Variants in PPP1R1C observed in about 807,000 individuals in gnomAD.
PPP1R1C encodes the protein protein phosphatase 1 regulatory subunit 1C.
A neutral mutation model predicts 17.4 loss-of-function variants in PPP1R1C; 15 were observed. That is an observed-to-expected ratio of 0.86 (90% confidence interval 0.58 to 1.33). The LOEUF (loss-of-function observed/expected upper bound fraction) is 1.33, where lower values mean the gene tolerates loss of function less well. Among genes scored for constraint, PPP1R1C ranks in the 40% most tolerant of loss-of-function variants. The pLI, the probability that PPP1R1C is intolerant of heterozygous loss-of-function variation, is 0.00. For synonymous variants in PPP1R1C, 35 were observed against 43.1 expected (o/e 0.81, Z 0.73); for missense variants, 143 against 130.0 (o/e 1.10, Z -0.48).
chr2:181,964,696 AT>A (rs1684875937), intron 1 of PPP1R1C, among the ~76,000 whole-genome samples: 1 of 140,224 alleles, frequency 7.1e-6, no homozygotes, highest in Admixed American at 7.7e-5. Flanking sequence ...ACTGTAGTTT[AT>A]TTTATTTATT....
At chr2:182,039,708 C>T (rs775793393) in intron 2 of PPP1R1C, among the ~76,000 whole-genome samples, 16 of 152,128 alleles carry the variant, frequency 1.1e-4, no homozygotes, top group African/African-American at 1.2e-4. Flanking sequence ...GTTACGTAGA[C>T]GAATTGTATA....
chr2:182,039,487 T>G (rs1161574555), intron 2 of PPP1R1C, among the ~76,000 whole-genome samples: 1 of 152,130 alleles, frequency 6.6e-6, no homozygotes, highest in East Asian at 1.9e-4. Context: ...CCGACTCAGG[T>G]AATTCTCTAA....
intron 4 of PPP1R1C, among the ~76,000 whole-genome samples, chr2:182,077,810 C>T (rs894624262): frequency 7.2e-5 from 11 of 152,318 alleles, no homozygotes; most frequent in African/African-American, 2.6e-4. Flanking sequence ...TTAAAAAGAA[C>T]ACAGTGCTTA....
intron 4 of PPP1R1C, among the ~76,000 whole-genome samples, chr2:182,087,040 A>T (rs1419293177): frequency 6.6e-6 from 1 of 152,116 alleles, no homozygotes; most frequent in Non-Finnish European, 1.5e-5. Flanking sequence ...TAACTCTCAC[A>T]TTTCACATCC....
chr2:181,984,933 C>CT (rs1471822467), upstream of PPP1R1C, among the ~76,000 whole-genome samples: 1 of 152,164 alleles, frequency 6.6e-6, no homozygotes, highest in Non-Finnish European at 1.5e-5. Context: ...TTAACATTAA[C>CT]TAATGTGGCA....
At chr2:182,119,481 A>G (rs1432058520), downstream of PPP1R1C, among the ~76,000 whole-genome samples, 9 of 152,356 alleles carry the variant, frequency 5.9e-5, no homozygotes, top group Middle Eastern at 3.4e-3. Context: ...GAATCACCAC[A>G]CTGACTTCCA....
intron 5 of PPP1R1C, chr2:182,128,842 T>C (rs926021274): frequency 6.6e-6 from 1 of 152,138 alleles, no homozygotes; most frequent in African/African-American, 2.4e-5. Flanking sequence ...GACTCTATCC[T>C]AGCATACAAG....
chr2:181,989,890 AAGT>A (rs1685409217), intron 2 of PPP1R1C, among the ~76,000 whole-genome samples: 1 of 152,190 alleles, frequency 6.6e-6, no homozygotes, highest in Non-Finnish European at 1.5e-5. Flanking sequence ...GGACTTGGAT[AAGT>A]GTGCATGGCA....
At chr2:182,022,780 G>T (rs554115442) in intron 2 of PPP1R1C, among the ~76,000 whole-genome samples, 1 of 152,116 alleles carries the variant, frequency 6.6e-6, no homozygotes, top group Non-Finnish European at 1.5e-5. Flanking sequence ...AAGAATAAGT[G>T]TATCTCCCTT....
intron 2 of PPP1R1C, among the ~76,000 whole-genome samples, chr2:182,001,547 A>G (rs1055323252): frequency 3.3e-5 from 5 of 152,104 alleles, no homozygotes; most frequent in African/African-American, 1.2e-4. Context: ...GGATGGTCAT[A>G]TACTTTCCTT....
chr2:182,101,173 A>T (rs1689089013), intron 4 of PPP1R1C, among the ~76,000 whole-genome samples: 1 of 152,192 alleles, frequency 6.6e-6, no homozygotes, highest in Admixed American at 6.5e-5. Context: ...ACTTCAAATT[A>T]TGTTCTGGTA....
chr2:181,998,489 ATCATTC>A (rs1219138325), intron 2 of PPP1R1C, among the ~76,000 whole-genome samples: 4 of 152,246 alleles, frequency 2.6e-5, no homozygotes, highest in Non-Finnish European at 4.4e-5. Flanking sequence ...TAATATACAC[ATCATTC>A]TCATTCCTTC....
intron 2 of PPP1R1C, among the ~76,000 whole-genome samples, chr2:182,019,313 A>T (rs1686348057): frequency 6.6e-6 from 1 of 152,090 alleles, no homozygotes; most frequent in African/African-American, 2.4e-5. Context: ...CATGCAAAGT[A>T]CTTTCTCTCA....
intron 4 of PPP1R1C, among the ~76,000 whole-genome samples, chr2:182,097,495 G>C (rs537355188): frequency 6.6e-6 from 1 of 152,254 alleles, no homozygotes; most frequent in Non-Finnish European, 1.5e-5. Context: ...CCAGTTCTAA[G>C]TGAATTGACA....
intron 1 of PPP1R1C, among the ~76,000 whole-genome samples, chr2:181,974,100 T>C (rs1685057161): frequency 1.3e-5 from 2 of 152,074 alleles, no homozygotes; most frequent in African/African-American, 4.8e-5. Flanking sequence ...CCTTGGAGTA[T>C]TTATAAGGCT....
At chr2:182,049,103 C>T (rs1444155325) in intron 2 of PPP1R1C, among the ~76,000 whole-genome samples, 1 of 152,072 alleles carries the variant, frequency 6.6e-6, no homozygotes. Flanking sequence ...GAGGCTGAGG[C>T]AGGCGGATCA....
intron 2 of PPP1R1C, among the ~76,000 whole-genome samples, chr2:181,996,373 G>C (rs563961006): frequency 6.6e-6 from 1 of 152,108 alleles, no homozygotes; most frequent in African/African-American, 2.4e-5. Context: ...GTCTGTGTGC[G>C]GTCTCTGCCC....
intron 2 of PPP1R1C, among the ~76,000 whole-genome samples, chr2:182,003,156 A>G (rs896587367): frequency 2.0e-5 from 3 of 152,122 alleles, no homozygotes; most frequent in Admixed American, 1.3e-4. Context: ...TGATAAAGAT[A>G]TTTGCAATTT....
intron 4 of PPP1R1C, among the ~76,000 whole-genome samples, chr2:182,076,613 C>A (rs939807407): frequency 1.3e-5 from 2 of 151,980 alleles, no homozygotes; most frequent in East Asian, 1.9e-4. Flanking sequence ...AACCCCCCCA[C>A]CCCAAACCTC....
Sources: gnomAD v4.1 joint callset for allele counts (sites outside exome capture counted in the v4.1 genomes callset) on GRCh38, gnomAD v4.1.1 for gene constraint, MANE v1.5 for transcripts, NCBI Gene and HGNC (gene_info 2026-07-23, HGNC 2026-07-21) for gene names.